Variants in UNC5C observed in about 807,000 individuals in gnomAD.
The protein encoded by UNC5C is unc-5 netrin receptor C.
UNC5C carries 47 observed loss-of-function variants against 99.8 expected under a neutral mutation model. The observed-to-expected ratio is 0.47, with a 90% CI of 0.37 to 0.60. The LOEUF is 0.60. UNC5C is among the 20% of genes least tolerant of loss of function. UNC5C has a pLI of 0.00. For synonymous variants in UNC5C, 487 were observed against 452.2 expected (o/e 1.08, Z -0.98); for missense variants, 1,062 against 1,165.9 (o/e 0.91, Z 1.30).
intron 11 of UNC5C, among the ~76,000 whole-genome samples, chr4:95,204,506 C>T (rs1234850990): frequency 2.0e-5 from 3 of 152,240 alleles, no homozygotes; most frequent in Non-Finnish European, 2.9e-5. Context: ...TGCAGGAATG[C>T]AGGCCAAGTA....
chr4:95,242,529 G>A lies in UNC5C; in HGVS notation c.1008C>T (p.Arg336=), dbSNP rs1366233339. 6.2e-7 allele frequency: 1 copy of A among 1,612,312 alleles called. No individual in the cohort carries two copies. Among genetic ancestry groups the A allele is most frequent in the Admixed American group, 1.7e-5 (1 of 59,826 alleles). The change falls in exon 7 of 16, where the codon CGC becomes CGT. Residue 336 remains arginine, a synonymous_variant. Transcript: ENST00000453304. The stretch of plus-strand genomic sequence containing the variant: ...GGGCTGGCGCCGTGCACTCCCTCCT[G>A]CGCCAGTGGGTGCACTCAGTTCCAC... ...STCGTECTHW[R]RRECTAPAPK... is the part of the protein sequence containing the mutation.
chr4:95,445,936 C>A (rs944499299), intron 1 of UNC5C, among the ~76,000 whole-genome samples: 1 of 150,064 alleles, frequency 6.7e-6, no homozygotes, highest in African/African-American at 2.5e-5. Flanking sequence ...AAGAATATCA[C>A]GTTTCTGGAA....
chr4:95,290,170 G>T (rs1319384603), intron 3 of UNC5C, among the ~76,000 whole-genome samples: 1 of 152,070 alleles, frequency 6.6e-6, no homozygotes, highest in African/African-American at 2.4e-5. Context: ...GCAGAGTATG[G>T]TAGTAGGTAT....
intron 4 of UNC5C, among the ~76,000 whole-genome samples, chr4:95,255,171 G>C (rs1440576526): frequency 7.2e-5 from 11 of 151,746 alleles, no homozygotes; most frequent in Admixed American, 6.6e-4. Flanking sequence ...GTAGAAATAG[G>C]GTTTCACCAT....
At chr4:95,285,910 A>G (rs1435945862) in intron 3 of UNC5C, among the ~76,000 whole-genome samples, 1 of 152,190 alleles carries the variant, frequency 6.6e-6, no homozygotes, top group African/African-American at 2.4e-5. Context: ...TGTGGCTGAG[A>G]ACAAGGTTTT....
chr4:95,256,054 C>A (rs1328048707), intron 4 of UNC5C, among the ~76,000 whole-genome samples: 2 of 152,132 alleles, frequency 1.3e-5, no homozygotes, highest in Admixed American at 6.6e-5. Flanking sequence ...GACTTGCTTT[C>A]TCTGGACAGC....
At chr4:95,218,829 A>T in intron 9 of UNC5C, 140 bp downstream of exon 9, 1 of 770,206 alleles carries the variant, frequency 1.3e-6, no homozygotes, top group South Asian at 1.9e-5. Flanking sequence ...TGTTCTGTTT[A>T]CATTGAAAGT....
At chr4:95,395,153 C>T (rs1745475571) in intron 1 of UNC5C, among the ~76,000 whole-genome samples, 1 of 151,930 alleles carries the variant, frequency 6.6e-6, no homozygotes, top group South Asian at 2.1e-4. Context: ...AAAGGTGGGC[C>T]CATATTATGG....
At chr4:95,358,440 C>A (rs958582325) in intron 1 of UNC5C, among the ~76,000 whole-genome samples, 3 of 152,020 alleles carry the variant, frequency 2.0e-5, no homozygotes, top group Non-Finnish European at 2.9e-5. Context: ...GATAATATAC[C>A]CAATATACTG....
chr4:95,431,302 C>G (rs1746628956), intron 1 of UNC5C, among the ~76,000 whole-genome samples: 2 of 152,050 alleles, frequency 1.3e-5, no homozygotes. Context: ...CCACAGGTAT[C>G]AGAATCATCT....
intron 1 of UNC5C, among the ~76,000 whole-genome samples, chr4:95,525,149 A>G (rs1722464067): frequency 6.6e-6 from 1 of 152,226 alleles, no homozygotes; most frequent in African/African-American, 2.4e-5. Context: ...TTTAACATAC[A>G]TAAGAGCAGC....
intron 1 of UNC5C, among the ~76,000 whole-genome samples, chr4:95,458,141 C>A (rs1335272700): frequency 2.0e-5 from 3 of 152,084 alleles, no homozygotes; most frequent in Admixed American, 1.3e-4. Context: ...AGGCTCCAAG[C>A]TGCTCATTAT....
At chr4:95,207,382 T>C (rs1266846664) in intron 10 of UNC5C, among the ~76,000 whole-genome samples, 3 of 152,238 alleles carry the variant, frequency 2.0e-5, no homozygotes. Context: ...TAAAATGAGA[T>C]CTCTTGTATA....
intron 1 of UNC5C, among the ~76,000 whole-genome samples, chr4:95,343,910 A>G (rs1436618000): frequency 1.3e-5 from 2 of 152,112 alleles, no homozygotes; most frequent in African/African-American, 4.8e-5. Context: ...ATTAGAAAAG[A>G]ATGAGAAAAA....
chr4:95,340,027 CT>C (rs1377470342), intron 1 of UNC5C, among the ~76,000 whole-genome samples: 1 of 151,910 alleles, frequency 6.6e-6, no homozygotes, highest in Non-Finnish European at 1.5e-5. Context: ...TCAGTATTTC[CT>C]TTTTTCTGTT....
At chr4:95,523,829 A>G (rs1722427789) in intron 1 of UNC5C, among the ~76,000 whole-genome samples, 1 of 152,210 alleles carries the variant, frequency 6.6e-6, no homozygotes. Context: ...TGTCAAAAGT[A>G]TCAATCCCCT....
At chr4:95,370,130 C>A (rs564982733) in intron 1 of UNC5C, among the ~76,000 whole-genome samples, 87 of 152,188 alleles carry the variant, frequency 5.7e-4, no homozygotes, top group Non-Finnish European at 9.6e-4. Context: ...TGAAAGATGG[C>A]TTATCCAAAC....
At chr4:95,209,335 G>C (rs1388975722) in intron 10 of UNC5C, among the ~76,000 whole-genome samples, 1 of 152,176 alleles carries the variant, frequency 6.6e-6, no homozygotes, top group Non-Finnish European at 1.5e-5. Flanking sequence ...AAGTAAGTTT[G>C]TATCTTAGAG....
At chr4:95,362,909 T>A (rs769647732) in intron 1 of UNC5C, among the ~76,000 whole-genome samples, 1 of 151,996 alleles carries the variant, frequency 6.6e-6, no homozygotes, top group Non-Finnish European at 1.5e-5. Context: ...ATGTGTTAAA[T>A]AATAATAGGA....
Sources: allele counts gnomAD v4.1 joint callset (sites outside exome capture counted in the v4.1 genomes callset), GRCh38; gene constraint gnomAD v4.1.1; transcripts MANE v1.5; gene names NCBI Gene and HGNC (gene_info 2026-07-23, HGNC 2026-07-21).